The following AK9 variants were observed in gnomAD, a reference collection of about 807,000 sequenced individuals.
AK9 encodes adenylate kinase domain containing 1.
AK9 carries 191 observed loss-of-function variants against 239.6 expected under a neutral mutation model. The ratio of observed to expected loss-of-function variants is 0.80; its 90% CI spans 0.71 to 0.90. The LOEUF is 0.90. AK9 is among the 40% of genes least tolerant of loss of function. The pLI, the probability that AK9 is intolerant of heterozygous loss-of-function variation, is 0.00. For synonymous variants in AK9, 689 were observed against 721.0 expected, an observed-to-expected ratio of 0.96 and a Z score of 0.71; for missense variants, 1,995 against 2,214.7, an observed-to-expected ratio of 0.90 and a Z score of 1.99.
intron 26 of AK9, among the ~76,000 whole-genome samples, chr6:109,545,428 A>G (rs1783420417): frequency 6.6e-6 from 1 of 152,198 alleles, no homozygotes; most frequent in Non-Finnish European, 1.5e-5. Flanking sequence ...AAGTAATTGA[A>G]TCATGGGGGC....
intron 8 of AK9, among the ~76,000 whole-genome samples, chr6:109,652,040 C>G (rs1420184739): frequency 6.6e-6 from 1 of 152,088 alleles, no homozygotes; most frequent in African/African-American, 2.4e-5. Context: ...GGGAATCCTC[C>G]CTAACTCATT....
At chr6:109,651,888 G>A (rs1799007013) in intron 8 of AK9, among the ~76,000 whole-genome samples, 3 of 152,070 alleles carry the variant, frequency 2.0e-5, no homozygotes, top group African/African-American at 7.3e-5. Context: ...TCAATAACAG[G>A]CTCTGAAATT....
At chr6:109,598,273 T>A (rs1045186185) in intron 17 of AK9, among the ~76,000 whole-genome samples, 1 of 146,952 alleles carries the variant, frequency 6.8e-6, no homozygotes, top group East Asian at 2.0e-4. Flanking sequence ...CCTTCCTGTG[T>A]CCATGTGTTC....
Position 109,512,323 on chromosome 6 carries a change from C to G in AK9, c.4279+1901G>C, listed in dbSNP as rs1483207491. ...AATGGGGAGACATAAATAATCCACC[C>G]CTTGTTTAGCATATCATCAATAAAT... On this transcript the variant is annotated intron_variant, in intron 32 of 40. Coordinates refer to ENST00000424296, the MANE Select transcript of AK9 (RefSeq NM_001145128.3). 4.6e-5 allele frequency among the ~76,000 whole-genome samples: 7 copies of G among 152,154 alleles called. No homozygotes were observed. In the East Asian group the frequency reaches 1.3e-3, roughly 29 times the overall value.
chr6:109,655,830 T>G (rs1290086351), intron 8 of AK9, among the ~76,000 whole-genome samples: 1 of 152,220 alleles, frequency 6.6e-6, no homozygotes, highest in Non-Finnish European at 1.5e-5. Context: ...TTGATAGTCG[T>G]GTACTTCACG....
At chr6:109,552,727 T>C (rs1784514034) in intron 24 of AK9, among the ~76,000 whole-genome samples, 1 of 152,252 alleles carries the variant, frequency 6.6e-6, no homozygotes, top group Non-Finnish European at 1.5e-5. Flanking sequence ...ATTTGTCAAC[T>C]GTAGCTTTTG....
intron 17 of AK9, among the ~76,000 whole-genome samples, chr6:109,604,444 C>G (rs1373409603): frequency 6.6e-6 from 1 of 152,048 alleles, no homozygotes; most frequent in African/African-American, 2.4e-5. Context: ...TAAATAGTTT[C>G]TTCCCAACAG....
chr6:109,620,188 TG>T (rs1356126213), intron 12 of AK9, among the ~76,000 whole-genome samples: 1 of 152,182 alleles, frequency 6.6e-6, no homozygotes, highest in Non-Finnish European at 1.5e-5. Flanking sequence ...GTGAAATTCC[TG>T]GGTCATATGG....
chr6:109,610,214 A>G, intron 17 of AK9, 151 bp downstream of exon 17: 2 of 955,574 alleles, frequency 2.1e-6, no homozygotes, highest in Non-Finnish European at 3.0e-6. Flanking sequence ...GGTACTTCGC[A>G]CTTAACAATG....
intron 5 of AK9, among the ~76,000 whole-genome samples, chr6:109,671,098 T>G (rs372708437): frequency 1.1e-4 from 16 of 152,334 alleles, no homozygotes; most frequent in Admixed American, 6.5e-4. Flanking sequence ...TAGAAACCAG[T>G]AAATACAGTT....
At chr6:109,501,164 AG>A (rs1387653585) in intron 35 of AK9, among the ~76,000 whole-genome samples, 4 of 152,210 alleles carry the variant, frequency 2.6e-5, no homozygotes, top group African/African-American at 9.6e-5. Context: ...GCCATATGTC[AG>A]CTCATGTGAA....
chr6:109,666,207 G>C (rs1801174071), intron 5 of AK9, among the ~76,000 whole-genome samples: 1 of 152,132 alleles, frequency 6.6e-6, no homozygotes, highest in Non-Finnish European at 1.5e-5. Flanking sequence ...GTGTGGGATA[G>C]ACAATTATGT....
At chr6:109,637,059 G>A (rs1321126745) in intron 10 of AK9, among the ~76,000 whole-genome samples, 1 of 152,062 alleles carries the variant, frequency 6.6e-6, no homozygotes, top group African/African-American at 2.4e-5. Flanking sequence ...ATCAACATTT[G>A]TTATTTCTCA....
intron 35 of AK9, among the ~76,000 whole-genome samples, chr6:109,502,773 G>C (rs2128101530): frequency 6.6e-6 from 1 of 152,326 alleles, no homozygotes; most frequent in Admixed American, 6.5e-5. Context: ...AGGAACTGAG[G>C]TCCTCAGTCC....
intron 24 of AK9, among the ~76,000 whole-genome samples, chr6:109,561,871 T>C (rs1389620212): frequency 6.6e-6 from 1 of 152,198 alleles, no homozygotes; most frequent in East Asian, 1.9e-4. Context: ...TTGTAATTTT[T>C]TTCAAAATTT....
chr6:109,641,278 C>A (rs1027386583), intron 10 of AK9, among the ~76,000 whole-genome samples: 1 of 149,944 alleles, frequency 6.7e-6, no homozygotes, highest in Non-Finnish European at 1.5e-5. Context: ...AAGCAATCCT[C>A]CCGTCTCAGC....
At chr6:109,588,811 A>G (rs1394012101) in intron 17 of AK9, among the ~76,000 whole-genome samples, 2 of 152,164 alleles carry the variant, frequency 1.3e-5, no homozygotes, top group Non-Finnish European at 2.9e-5. Flanking sequence ...CAGTTTTCCC[A>G]GTACCATTTA....
chr6:109,652,356 C>T (rs1799092982), intron 8 of AK9, among the ~76,000 whole-genome samples: 1 of 152,078 alleles, frequency 6.6e-6, no homozygotes, highest in Non-Finnish European at 1.5e-5. Context: ...ATTCAACAGC[C>T]TTCATGCTGA....
intron 18 of AK9, among the ~76,000 whole-genome samples, chr6:109,585,655 A>G (rs1789411950): frequency 6.6e-6 from 1 of 151,826 alleles, no homozygotes; most frequent in African/African-American, 2.4e-5. Flanking sequence ...ATAGCTTCTA[A>G]TTGTGTGTGT....
Sources: gnomAD v4.1 joint callset for allele counts (sites outside exome capture counted in the v4.1 genomes callset) on GRCh38, gnomAD v4.1.1 for gene constraint, MANE v1.5 for transcripts, NCBI Gene and HGNC (gene_info 2026-07-23, HGNC 2026-07-21) for gene names.